Variants in ABTB2 observed in about 807,000 individuals in gnomAD.
ABTB2 encodes the protein ankyrin repeat and BTB/POZ domain-containing protein 2.
A neutral mutation model predicts 104.1 loss-of-function variants in ABTB2; 56 were observed. The observed-to-expected ratio is 0.54, with a 90% CI of 0.43 to 0.67. ABTB2 has a LOEUF of 0.67. Among genes scored for constraint, ABTB2 ranks in the 30% least tolerant of loss-of-function variants. ABTB2 has a pLI of 0.00. For missense variants in ABTB2, 1,279 were observed against 1,407.7 expected, an observed-to-expected ratio of 0.91 and a Z score of 1.46; for synonymous variants, 606 against 608.2, an observed-to-expected ratio of 1.00 and a Z score of 0.05.
At chr11:34,220,650 C>T (rs1853609338) in intron 1 of ABTB2, among the ~76,000 whole-genome samples, 1 of 152,198 alleles carries the variant, frequency 6.6e-6, no homozygotes, top group African/African-American at 2.4e-5. Flanking sequence ...GCCTGGCTCT[C>T]TCGCAGTCTC....
intron 1 of ABTB2, among the ~76,000 whole-genome samples, chr11:34,244,489 A>G (rs184781144): frequency 1.1e-4 from 17 of 152,344 alleles, no homozygotes; most frequent in African/African-American, 4.1e-4. Context: ...AAAAACAGGG[A>G]TATCTCATTG....
intron 2 of ABTB2, among the ~76,000 whole-genome samples, chr11:34,203,735 C>T (rs1245802584): frequency 1.3e-5 from 2 of 152,194 alleles, no homozygotes; most frequent in Non-Finnish European, 2.9e-5. Flanking sequence ...GAAACAGAGG[C>T]TTGCCGTTTA....
Position 34,197,466 on chromosome 11 carries a change from C to A in ABTB2, c.1103G>T (p.Arg368Leu), listed in dbSNP as rs560825781. 5.0e-6 allele frequency: 8 copies of A among 1,588,550 alleles called. No individual in the cohort carries two copies. The highest frequency in any genetic ancestry group is 6.9e-6 in the Non-Finnish European group (8 of 1,167,642). ...HPLCPGASPARQARQPPQPIT... is the reference protein window; with the variant it reads ...HPLCPGASPALQARQPPQPIT... Reference sequence around the variant, plus strand: ...GGGCTGTGGCGGCTGGCGGGCCTGGCGGGCAGGGCTGGCACCCGGGCACAG... The same window carrying A: ...GGGCTGTGGCGGCTGGCGGGCCTGGAGGGCAGGGCTGGCACCCGGGCACAG... The change falls in exon 3 of 17, where the codon CGC becomes CTC. Residue 368 changes from arginine to leucine, a missense_variant. Arg to Leu is a moderately radical substitution (Grantham distance 102). Coordinates refer to ENST00000435224, the MANE Select transcript of ABTB2 (RefSeq NM_145804.3).
rs990996197 is a variant in ABTB2 at position 34,357,830 on chromosome 11, A to AC, written c.-248dup. ...TGCCACTGGAAAGAACCCCGTCGCT[A>AC]CCCCCCGGCACTCCCCCTTGTCCAC... On this transcript the variant is annotated 5_prime_UTR_variant, in exon 1 of 17. Transcript: ENST00000435224. The AC allele has an allele frequency of 3.1e-5, 15 of 480,896 alleles. No individual in the cohort carries two copies. The highest frequency in any genetic ancestry group is 2.6e-4 in the African/African-American group (13 of 49,648). 29.8% of individuals were successfully genotyped at this position (480,896 alleles called of 1,614,324 possible).
At chr11:34,348,236 G>A (rs1049440095) in intron 1 of ABTB2, among the ~76,000 whole-genome samples, 5 of 152,174 alleles carry the variant, frequency 3.3e-5, no homozygotes, top group Non-Finnish European at 5.9e-5. Context: ...AGGAGTAATT[G>A]GAGGTCTGGG....
At chr11:34,269,704 T>A (rs1197783733) in intron 1 of ABTB2, among the ~76,000 whole-genome samples, 1 of 152,246 alleles carries the variant, frequency 6.6e-6, no homozygotes, top group African/African-American at 2.4e-5. Flanking sequence ...CTTTTGATTA[T>A]CTTTCAACCA....
rs1298806400 is a variant in ABTB2, at chr11:34,357,097, G to T, written c.487C>A (p.Arg163Ser). ...CTRFEVQSAV[R>S]LVHSWALAES... is the part of the protein sequence containing the mutation. ...GCCAGCGCCCAGCTGTGCACCAGGC[G>T]CACGGCGCTCTGCACCTCAAAGCGG... The change falls in exon 1 of 17, where the codon CGC (arginine) becomes AGC (serine). Residue 163 changes from arginine (R) to serine (S), a missense_variant. Physicochemically the swap from Arg to Ser is moderately radical, Grantham distance 110 (BLOSUM62 -1). Transcript: ENST00000435224. The T allele has an allele frequency of 6.6e-7, 1 of 1,518,168 alleles. No homozygotes were observed. Among genetic ancestry groups the T allele is most frequent in the Non-Finnish European group, 8.8e-7 (1 of 1,137,050 alleles). The allele number at this position is 1,518,168 out of a possible 1,614,324, so 94.0% of individuals were successfully genotyped here. A position where few individuals can be genotyped will look rare whatever the true frequency, so the allele number is the denominator to read the frequency against.
At chr11:34,152,998 C>T (rs1752026081) in intron 16 of ABTB2, among the ~76,000 whole-genome samples, 1 of 152,206 alleles carries the variant, frequency 6.6e-6, no homozygotes, top group South Asian at 2.1e-4. Context: ...AGGTCAAGAT[C>T]TCTGCAGTGC....
At chr11:34,231,610 G>T (rs942279762) in intron 1 of ABTB2, among the ~76,000 whole-genome samples, 1 of 152,084 alleles carries the variant, frequency 6.6e-6, no homozygotes, top group African/African-American at 2.4e-5. Context: ...TCACTCAGTC[G>T]CCCAGGCTGG....
At chr11:34,238,847 G>A (rs898790772) in intron 1 of ABTB2, among the ~76,000 whole-genome samples, 1 of 152,044 alleles carries the variant, frequency 6.6e-6, no homozygotes, top group African/African-American at 2.4e-5. Flanking sequence ...TTGGCCTCCC[G>A]GGTTCATGCC....
intron 1 of ABTB2, among the ~76,000 whole-genome samples, chr11:34,253,322 C>T (rs550659018): frequency 6.6e-6 from 1 of 152,310 alleles, no homozygotes; most frequent in South Asian, 2.1e-4. Flanking sequence ...TGGCCCCTGC[C>T]CTGTTGCAGA....
chr11:34,352,657 C>G (rs946706922), intron 1 of ABTB2, among the ~76,000 whole-genome samples: 1 of 152,200 alleles, frequency 6.6e-6, no homozygotes, highest in African/African-American at 2.4e-5. Flanking sequence ...AATTCTCATA[C>G]CACCCATATA....
intron 1 of ABTB2, among the ~76,000 whole-genome samples, chr11:34,229,012 G>A (rs35934832): frequency 0.64 from 96,322 of 151,258 alleles, 31,310 homozygotes; most frequent in Non-Finnish European, 0.71. Flanking sequence ...CCAGCTACTC[G>A]GGAGGCTGAG....
intron 1 of ABTB2, among the ~76,000 whole-genome samples, chr11:34,346,100 A>G (rs1855328189): frequency 6.6e-6 from 1 of 152,192 alleles, no homozygotes; most frequent in Admixed American, 6.5e-5. Flanking sequence ...CATTCCTGGC[A>G]GCCTGTCATC....
chr11:34,273,930 A>C (rs1471242432), intron 1 of ABTB2, among the ~76,000 whole-genome samples: 1 of 151,722 alleles, frequency 6.6e-6, no homozygotes, highest in Non-Finnish European at 1.5e-5. Flanking sequence ...AGGCGGGTGG[A>C]TCATGAGGTC....
At chr11:34,187,280 T>C (rs929986070) in intron 3 of ABTB2, among the ~76,000 whole-genome samples, 3 of 152,218 alleles carry the variant, frequency 2.0e-5, no homozygotes, top group African/African-American at 7.2e-5. Context: ...GCACTATGGC[T>C]AAACCAGCAG....
At chr11:34,173,976 C>T (rs1333510533) in intron 3 of ABTB2, among the ~76,000 whole-genome samples, 11 of 152,192 alleles carry the variant, frequency 7.2e-5, no homozygotes, top group Admixed American at 6.5e-4. Context: ...GGCACCTAGA[C>T]TGAGGTGGGC....
At chr11:34,351,768 C>T (rs932973020) in intron 1 of ABTB2, among the ~76,000 whole-genome samples, 1 of 152,038 alleles carries the variant, frequency 6.6e-6, no homozygotes, top group South Asian at 2.1e-4. Context: ...CACACACAAG[C>T]AGGAAATGAT....
intron 1 of ABTB2, among the ~76,000 whole-genome samples, chr11:34,275,478 GCT>G (rs1351967294): frequency 6.6e-6 from 1 of 152,088 alleles, no homozygotes; most frequent in Non-Finnish European, 1.5e-5. Context: ...TGAATACAGG[GCT>G]CTCTTTTTTT....
Sources: gnomAD v4.1 joint callset for allele counts (sites outside exome capture counted in the v4.1 genomes callset) on GRCh38, gnomAD v4.1.1 for gene constraint, MANE v1.5 for transcripts, NCBI Gene and HGNC (gene_info 2026-07-23, HGNC 2026-07-21) for gene names.